Variants in DLGAP2 observed in about 807,000 individuals in gnomAD.
The protein encoded by DLGAP2 is disks large-associated protein 2.
Under a neutral mutation model 100.3 loss-of-function variants are expected in DLGAP2, and 26 were observed. The observed-to-expected ratio is 0.26, with a 90% CI of 0.19 to 0.36. The LOEUF is 0.36. Ranked by LOEUF, DLGAP2 falls within the 10% of genes least tolerant of loss-of-function variation. DLGAP2 has a pLI of 1.00. For missense variants in DLGAP2, 1,858 were observed against 1,453.2 expected, an observed-to-expected ratio of 1.28 and a Z score of -4.53; for synonymous variants, 886 against 630.1, an observed-to-expected ratio of 1.41 and a Z score of -6.08.
intron 2 of DLGAP2, chr8:927,095 G>A (rs915635451): frequency 1.2e-5 from 12 of 985,316 alleles, no homozygotes; most frequent in African/African-American, 3.5e-5. Context: ...CCCAGTGGCC[G>A]GGATGGTAAA....
chr8:741,475 T>C (rs1366199688), intron 1 of DLGAP2, among the ~76,000 whole-genome samples: 2 of 152,190 alleles, frequency 1.3e-5, no homozygotes, highest in African/African-American at 2.4e-5. Flanking sequence ...CCCTTAACTT[T>C]AGCTCCAGGA....
intron 3 of DLGAP2, among the ~76,000 whole-genome samples, chr8:1,271,645 A>C (rs1799586429): frequency 1.3e-5 from 2 of 152,164 alleles, no homozygotes; most frequent in Non-Finnish European, 2.9e-5. Flanking sequence ...GTTTTATAAA[A>C]ATGGTTCCCA....
At chr8:1,045,133 C>T (rs1802480872) in intron 2 of DLGAP2, among the ~76,000 whole-genome samples, 1 of 152,218 alleles carries the variant, frequency 6.6e-6, no homozygotes, top group African/African-American at 2.4e-5. Context: ...AACGCAGAAA[C>T]CCTGGTCTAG....
chr8:935,204 C>T (rs550012526), intron 2 of DLGAP2, among the ~76,000 whole-genome samples: 18 of 152,346 alleles, frequency 1.2e-4, no homozygotes, highest in Admixed American at 3.3e-4. Flanking sequence ...ATGGGGGCGT[C>T]TCTCTTCCTT....
chr8:1,122,280 C>T (rs779400977), intron 2 of DLGAP2, among the ~76,000 whole-genome samples: 33 of 152,286 alleles, frequency 2.2e-4, no homozygotes, highest in Non-Finnish European at 3.8e-4. Flanking sequence ...TTTCATGACA[C>T]GCACAGGTTT....
rs1267312658 is a variant in DLGAP2 at position 1,509,176 on chromosome 8, A to G, written c.172+7745A>G. On this transcript the variant is annotated intron_variant, in intron 4 of 14. Coordinates refer to ENST00000637795, the MANE Select transcript of DLGAP2 (RefSeq NM_001346810.2). ...TAAAACCCCGTCTCTACTAAAATACAAAATATTAGCCGGGCATGGTGGCGG... is the reference window on the plus strand; with the variant it reads ...TAAAACCCCGTCTCTACTAAAATACGAAATATTAGCCGGGCATGGTGGCGG... Among the ~76,000 whole-genome samples, 8 of 152,126 alleles carry G rather than the reference A, an allele frequency of 5.3e-5. No homozygotes were observed. In the South Asian group the frequency reaches 8.3e-4, roughly 16 times the overall value.
intron 3 of DLGAP2, among the ~76,000 whole-genome samples, chr8:1,481,350 G>A (rs1799087355): frequency 6.6e-6 from 1 of 152,056 alleles, no homozygotes; most frequent in Admixed American, 6.6e-5. Flanking sequence ...CCAGCCTGGA[G>A]GTGGAGATAG....
At chr8:1,154,076 G>A (rs1174709142) in intron 2 of DLGAP2, among the ~76,000 whole-genome samples, 1 of 152,070 alleles carries the variant, frequency 6.6e-6, no homozygotes, top group Non-Finnish European at 1.5e-5. Flanking sequence ...AAGCAAGCAG[G>A]AAAAAGAAAT....
At chr8:1,337,393 A>ATGG (rs1554445560) in intron 3 of DLGAP2, among the ~76,000 whole-genome samples, 5 of 894 alleles carry the variant, frequency 5.6e-3, no homozygotes, top group East Asian at 0.045. Context: ...GATGGTGAGG[A>ATGG]TGATGGTGAT....
intron 7 of DLGAP2, 88 bp from the exon 8 acceptor site, chr8:1,632,739 T>G: frequency 1.5e-6 from 2 of 1,339,888 alleles, no homozygotes; most frequent in Non-Finnish European, 2.0e-6. Flanking sequence ...AAAGGCAGCC[T>G]GGGAATGAGC....
At chr8:1,151,298 A>G (rs117915415) in intron 2 of DLGAP2, among the ~76,000 whole-genome samples, 3,361 of 152,306 alleles carry the variant, frequency 0.022, 53 homozygotes, top group Middle Eastern at 0.065. Flanking sequence ...ACATTTTTAC[A>G]TGCACAGTAA....
chr8:1,520,540 C>T (rs933854336), intron 4 of DLGAP2, among the ~76,000 whole-genome samples: 2 of 152,154 alleles, frequency 1.3e-5, no homozygotes, highest in Non-Finnish European at 2.9e-5. Flanking sequence ...TGCCACCTCA[C>T]ACAGAGCAGT....
At chr8:1,312,852 C>G (rs1800644533) in intron 3 of DLGAP2, among the ~76,000 whole-genome samples, 1 of 152,192 alleles carries the variant, frequency 6.6e-6, no homozygotes, top group Non-Finnish European at 1.5e-5. Flanking sequence ...ACGCGAGTGT[C>G]CATCTGTAGG....
chr8:900,787 G>C (rs983330234), intron 1 of DLGAP2, among the ~76,000 whole-genome samples: 2 of 152,202 alleles, frequency 1.3e-5, no homozygotes, highest in African/African-American at 4.8e-5. Flanking sequence ...ATTGGAATGT[G>C]AAGGCAAGAG....
At chr8:1,665,871 G>A (rs758895955) in intron 8 of DLGAP2, among the ~76,000 whole-genome samples, 2 of 152,236 alleles carry the variant, frequency 1.3e-5, no homozygotes, top group Non-Finnish European at 1.5e-5. Flanking sequence ...GGGCTGTCAC[G>A]TGGAAACCCC....
At chr8:953,214 A>T (rs1053132821) in intron 2 of DLGAP2, among the ~76,000 whole-genome samples, 5 of 151,272 alleles carry the variant, frequency 3.3e-5, no homozygotes, top group African/African-American at 1.2e-4. Context: ...CTTTTTTTTG[A>T]GATGGAGTTT....
intron 6 of DLGAP2, among the ~76,000 whole-genome samples, chr8:1,576,749 A>G (rs1358641126): frequency 1.3e-5 from 2 of 152,076 alleles, no homozygotes; most frequent in African/African-American, 4.8e-5. Flanking sequence ...TGTTTTTGTC[A>G]GGTTTGTCAA....
intron 2 of DLGAP2, among the ~76,000 whole-genome samples, chr8:1,257,699 C>T (rs926006919): frequency 9.9e-5 from 15 of 151,634 alleles, no homozygotes; most frequent in Non-Finnish European, 2.2e-4. Flanking sequence ...CCAGTGCTGG[C>T]GTGGAAGAGC....
chr8:1,226,771 A>G (rs545843533), intron 2 of DLGAP2, among the ~76,000 whole-genome samples: 4 of 152,194 alleles, frequency 2.6e-5, no homozygotes, highest in Admixed American at 6.5e-5. Flanking sequence ...AATCCTCAGT[A>G]AACATCAGTA....
Sources: gnomAD v4.1 joint callset for allele counts (sites outside exome capture counted in the v4.1 genomes callset) on GRCh38, gnomAD v4.1.1 for gene constraint, MANE v1.5 for transcripts, NCBI Gene and HGNC (gene_info 2026-07-23, HGNC 2026-07-21) for gene names.